The following MCTP2 variants were observed in gnomAD, a reference collection of about 807,000 sequenced individuals.
The protein encoded by MCTP2 is multiple C2 and transmembrane domain-containing protein 2.
In MCTP2, 132 loss-of-function variants were observed where a neutral mutation model predicts 111.6. That is an observed-to-expected ratio of 1.18 (90% CI 1.03 to 1.37). The LOEUF (loss-of-function observed/expected upper bound fraction) is 1.37. Among genes scored for constraint, MCTP2 ranks in the 40% most tolerant of loss-of-function variants. The probability of loss-of-function intolerance (pLI) is 0.00; values close to 1 mark genes in which losing one functional copy is unlikely to be tolerated. For synonymous variants in MCTP2, 395 were observed against 387.7 expected, an observed-to-expected ratio of 1.02 and a Z score of -0.22; for missense variants, 1,183 against 1,067.9, an observed-to-expected ratio of 1.11 and a Z score of -1.50.
chr15:94,293,047 C>T (rs1235760294), intron 1 of MCTP2: 1 of 151,958 alleles, frequency 6.6e-6, no homozygotes, highest in Admixed American at 6.6e-5. Flanking sequence ...CTAAATATAA[C>T]ACTATACAAA....
intron 4 of MCTP2, among the ~76,000 whole-genome samples, chr15:94,328,384 T>A (rs2076985059): frequency 6.6e-6 from 1 of 152,192 alleles, no homozygotes; most frequent in Admixed American, 6.5e-5. Context: ...CGCCTTGGCC[T>A]CCCAAAGTGC....
At chr15:94,420,260 G>A (rs1187987339) in intron 17 of MCTP2, among the ~76,000 whole-genome samples, 1 of 152,106 alleles carries the variant, frequency 6.6e-6, no homozygotes, top group African/African-American at 2.4e-5. Context: ...GTACCTAGCT[G>A]CTCAAGAGCT....
At chr15:94,343,096 A>T (rs929925831) in intron 7 of MCTP2, 4 of 150,954 alleles carry the variant, frequency 2.6e-5, no homozygotes, top group African/African-American at 9.7e-5. Context: ...ACAACTGCCT[A>T]CTCTTATCTC....
intron 19 of MCTP2, among the ~76,000 whole-genome samples, chr15:94,455,907 C>G (rs1596777234): frequency 6.6e-6 from 1 of 152,138 alleles, no homozygotes; most frequent in African/African-American, 2.4e-5. Context: ...TAGCTAGTAA[C>G]TGACTAAAAT....
intron 5 of MCTP2, among the ~76,000 whole-genome samples, chr15:94,339,803 CA>C (rs2077540339): frequency 6.6e-6 from 1 of 152,184 alleles, no homozygotes; most frequent in African/African-American, 2.4e-5. Flanking sequence ...GTTAAAACTG[CA>C]TGAGTTGAGT....
chr15:94,284,028 C>T (rs1160734315), intron 1 of MCTP2, among the ~76,000 whole-genome samples: 1 of 152,148 alleles, frequency 6.6e-6, no homozygotes, highest in African/African-American at 2.4e-5. Flanking sequence ...AATGGGAACT[C>T]ATTAACTGCA....
intron 14 of MCTP2, among the ~76,000 whole-genome samples, chr15:94,387,204 C>T (rs1288123342): frequency 6.6e-6 from 1 of 151,676 alleles, no homozygotes; most frequent in Non-Finnish European, 1.5e-5. Context: ...GAAGTTACCT[C>T]CAGCTTAATC....
chr15:94,454,940 C>T (rs2084717397), intron 19 of MCTP2, among the ~76,000 whole-genome samples: 1 of 152,142 alleles, frequency 6.6e-6, no homozygotes, highest in Non-Finnish European at 1.5e-5. Context: ...CCTGCCTCAG[C>T]CTCCCTAGTA....
At chr15:94,473,761 G>C (rs1037405720) in intron 21 of MCTP2, among the ~76,000 whole-genome samples, 1 of 152,192 alleles carries the variant, frequency 6.6e-6, no homozygotes, top group African/African-American at 2.4e-5. Flanking sequence ...AAGACACTCA[G>C]AATTTGATAA....
intron 1 of MCTP2, among the ~76,000 whole-genome samples, chr15:94,250,010 C>T (rs1433021556): frequency 2.0e-5 from 3 of 151,922 alleles, no homozygotes; most frequent in African/African-American, 7.3e-5. Context: ...CACATATTAT[C>T]TGCCTTTGGA....
chr15:94,388,746 G>A (rs886194359), intron 14 of MCTP2, among the ~76,000 whole-genome samples: 1 of 152,144 alleles, frequency 6.6e-6, no homozygotes, highest in Non-Finnish European at 1.5e-5. Context: ...GGATGAGGCA[G>A]CCTTTATTAT....
chr15:94,268,180 C>CTTTTTTTT (rs371485797), intron 1 of MCTP2, among the ~76,000 whole-genome samples: 2 of 134,392 alleles, frequency 1.5e-5, no homozygotes, highest in African/African-American at 2.8e-5. Context: ...TTCATTCTTT[C>CTTTTTTTT]TTTCTTTTTT....
chr15:94,479,375 T>G lies in MCTP2; in HGVS notation c.*341T>G, dbSNP rs1426387260. 3.2e-6 allele frequency: 1 copy of G among 313,686 alleles called. No individual in the cohort carries two copies. The highest frequency in any genetic ancestry group is 6.0e-6 in the Non-Finnish European group (1 of 166,194). 19.4% of individuals were successfully genotyped at this position (313,686 alleles called of 1,614,324 possible). A position where few individuals can be genotyped will look rare whatever the true frequency, so the allele number is the denominator to read the frequency against. On this transcript the variant is annotated 3_prime_UTR_variant, in exon 23 of 23. Transcript: ENST00000357742. ...CCAGGAGCCCACTTGGATTCAAGAG[T>G]GACTTTGAACTTGTTTTCACACCTC...
At chr15:94,471,507 G>A (rs2073925379) in intron 21 of MCTP2, among the ~76,000 whole-genome samples, 1 of 152,100 alleles carries the variant, frequency 6.6e-6, no homozygotes, top group Non-Finnish European at 1.5e-5. Flanking sequence ...AAAAGTCACG[G>A]GAAAAATAGA....
intron 21 of MCTP2, among the ~76,000 whole-genome samples, chr15:94,471,651 C>G (rs1011873400): frequency 6.7e-6 from 1 of 150,226 alleles, no homozygotes; most frequent in Admixed American, 6.7e-5. Flanking sequence ...CTCATCTGTG[C>G]TTAGTTCTTG....
intron 19 of MCTP2, 54 bp downstream of exon 19, chr15:94,443,014 A>T: frequency 7.0e-7 from 1 of 1,431,904 alleles, no homozygotes; most frequent in Non-Finnish European, 9.7e-7. Flanking sequence ...TTGTCAACAG[A>T]TAGCATTCCT....
intron 14 of MCTP2, among the ~76,000 whole-genome samples, chr15:94,388,017 AGGAAAGGACACAG>A (rs1320394594): frequency 2.0e-5 from 3 of 152,204 alleles, no homozygotes; most frequent in Non-Finnish European, 4.4e-5. Context: ...TGTGGCGAAC[AGGAAAGGACACAG>A]AGGTAGGGTG....
At chr15:94,467,726 G>A (rs747135932) in intron 20 of MCTP2, among the ~76,000 whole-genome samples, 1 of 152,190 alleles carries the variant, frequency 6.6e-6, no homozygotes, top group South Asian at 2.1e-4. Context: ...GGCAAGGAAA[G>A]CTGCAAGTTA....
chr15:94,423,360 A>G, intron 17 of MCTP2, among the ~76,000 whole-genome samples: 1 of 152,188 alleles, frequency 6.6e-6, no homozygotes, highest in East Asian at 1.9e-4. Flanking sequence ...CGGTAGAGCC[A>G]TGATTTAGAT....
Sources: allele counts gnomAD v4.1 joint callset (sites outside exome capture counted in the v4.1 genomes callset), GRCh38; gene constraint gnomAD v4.1.1; transcripts MANE v1.5; gene names NCBI Gene and HGNC (gene_info 2026-07-23, HGNC 2026-07-21).